Variants in DPY19L4 observed in about 807,000 individuals in gnomAD.
DPY19L4 encodes dpy-19 like 4, also known as probable C-mannosyltransferase DPY19L4.
In DPY19L4, 97 loss-of-function variants were observed where a neutral mutation model predicts 102.8. The observed-to-expected ratio is 0.94, with a 90% CI of 0.80 to 1.12. The LOEUF (loss-of-function observed/expected upper bound fraction) is 1.12. Among genes scored for constraint, DPY19L4 ranks in the 50% most tolerant of loss-of-function variants. DPY19L4 has a pLI of 0.00. For synonymous variants in DPY19L4, 252 were observed against 283.1 expected (o/e 0.89, Z 1.10); for missense variants, 815 against 850.4 (o/e 0.96, Z 0.52).
chr8:94,768,550 T>C lies in DPY19L4; in HGVS notation c.1331T>C (p.Ile444Thr). 1 of 1,469,182 alleles carries C rather than the reference T, an allele frequency of 6.8e-7. No homozygotes were observed. Among genetic ancestry groups the C allele is most frequent in the Non-Finnish European group, 9.4e-7 (1 of 1,065,876 alleles). The allele number at this position is 1,469,182 out of a possible 1,614,324, so 91.0% of individuals were successfully genotyped here. The change falls in exon 12 of 19, where the codon ATT (isoleucine) becomes ACT (threonine). Residue 444 changes from isoleucine to threonine, a missense_variant. Coordinates refer to ENST00000414645, the MANE Select transcript of DPY19L4 (RefSeq NM_181787.3). Reference sequence around the variant, plus strand: ...ATGTTGCAAGTTATTTTTAGGAGGATTAAGTAAGTACCTATGAGAATCAAT... The same window carrying C: ...ATGTTGCAAGTTATTTTTAGGAGGACTAAGTAAGTACCTATGAGAATCAAT... ...LSMLQVIFRR[I>T]NGKSLKETVT...
At chr8:94,740,422 A>G (rs1012762425) in intron 6 of DPY19L4, among the ~76,000 whole-genome samples, 2 of 152,010 alleles carry the variant, frequency 1.3e-5, no homozygotes, top group African/African-American at 4.8e-5. Flanking sequence ...AGGTCTATTT[A>G]CAATACTGTT....
chr8:94,724,076 G>C (rs1433085947), intron 1 of DPY19L4, among the ~76,000 whole-genome samples: 1 of 152,096 alleles, frequency 6.6e-6, no homozygotes, highest in Non-Finnish European at 1.5e-5. Context: ...TTTTTAAAAA[G>C]GAAAATGATA....
At chr8:94,741,671 A>G (rs757214880) in intron 6 of DPY19L4, among the ~76,000 whole-genome samples, 1 of 152,192 alleles carries the variant, frequency 6.6e-6, no homozygotes, top group Admixed American at 6.6e-5. Flanking sequence ...TTGATTCAGA[A>G]CATTTTGATC....
At chr8:94,781,188 A>G in intron 16 of DPY19L4, 22 bp downstream of exon 16, 1 of 1,530,236 alleles carries the variant, frequency 6.5e-7, no homozygotes, top group East Asian at 2.3e-5. Context: ...AGTGCCCAAG[A>G]CTATTATTAA....
intron 6 of DPY19L4, among the ~76,000 whole-genome samples, chr8:94,751,886 C>A (rs1221129998): frequency 1.3e-5 from 2 of 152,012 alleles, no homozygotes; most frequent in Non-Finnish European, 2.9e-5. Context: ...GGGGCTCCGG[C>A]TTTTTTTACT....
At chr8:94,739,991 T>G (rs1811373422) in intron 6 of DPY19L4, among the ~76,000 whole-genome samples, 1 of 152,162 alleles carries the variant, frequency 6.6e-6, no homozygotes, top group African/African-American at 2.4e-5. Flanking sequence ...CCTGGTCTAA[T>G]CACGTGAGCC....
chr8:94,734,496 C>A, intron 2 of DPY19L4, 134 bp from the exon 3 acceptor site: 1 of 867,666 alleles, frequency 1.2e-6, no homozygotes, highest in Non-Finnish European at 1.7e-6. Flanking sequence ...TGGAATTTAT[C>A]TGATGCTTTT....
chr8:94,745,956 G>A (rs1010701050), intron 6 of DPY19L4, among the ~76,000 whole-genome samples: 2 of 150,114 alleles, frequency 1.3e-5, no homozygotes, highest in African/African-American at 4.9e-5. Flanking sequence ...GTTCCTCCAT[G>A]TTGGTCAGGC....
At chr8:94,736,741 T>C (rs757422191) in intron 3 of DPY19L4, among the ~76,000 whole-genome samples, 1 of 152,240 alleles carries the variant, frequency 6.6e-6, no homozygotes, top group African/African-American at 2.4e-5. Flanking sequence ...TGAAGAGCAC[T>C]GATTAAGTAT....
At chr8:94,768,162 G>A (rs1277800781) in intron 11 of DPY19L4, among the ~76,000 whole-genome samples, 1 of 152,138 alleles carries the variant, frequency 6.6e-6, no homozygotes, top group Admixed American at 6.5e-5. Flanking sequence ...ACGTTACTTG[G>A]TAATAAAAAG....
At chr8:94,722,455 A>G (rs1434596003) in intron 1 of DPY19L4, among the ~76,000 whole-genome samples, 10 of 152,222 alleles carry the variant, frequency 6.6e-5, no homozygotes, top group Non-Finnish European at 2.9e-5. Flanking sequence ...GTAGAATTAC[A>G]TATAATTCAA....
rs757076973 is a variant in DPY19L4 at position 94,761,742 on chromosome 8, A to G, written c.778A>G (p.Met260Val). The change falls in exon 8 of 19, where the codon ATG becomes GTG. Residue 260 changes from methionine (M) to valine (V), a missense_variant. Coordinates refer to ENST00000414645, the MANE Select transcript of DPY19L4 (RefSeq NM_181787.3). ...LLMSASTYTF[M>V]MMWEYSHYLL... ...GATGAGTGCTTCAACTTACACATTT[A>G]TGATGATGTGGGAGTATAGCCACTA... 6.8e-6 allele frequency: 11 copies of G among 1,611,156 alleles called. No homozygotes were observed. Among genetic ancestry groups the G allele is most frequent in the Non-Finnish European group, 9.3e-6 (11 of 1,178,944 alleles).
intron 10 of DPY19L4, 103 bp from the exon 11 acceptor site, chr8:94,766,509 G>T: frequency 9.9e-7 from 1 of 1,006,012 alleles, no homozygotes; most frequent in Admixed American, 2.6e-5. Context: ...TCATATTTTT[G>T]TTTTGTAGTC....
intron 1 of DPY19L4, among the ~76,000 whole-genome samples, chr8:94,723,949 G>C (rs1403214884): frequency 6.6e-6 from 1 of 152,112 alleles, no homozygotes; most frequent in Non-Finnish European, 1.5e-5. Context: ...TAAATTACTT[G>C]AAAATCTATG....
At chr8:94,742,714 A>T (rs1322667645) in intron 6 of DPY19L4, among the ~76,000 whole-genome samples, 1 of 151,780 alleles carries the variant, frequency 6.6e-6, no homozygotes, top group Non-Finnish European at 1.5e-5. Context: ...ACATGCCACA[A>T]TGCCCAGCTA....
At chr8:94,743,412 A>C (rs530566661) in intron 6 of DPY19L4, among the ~76,000 whole-genome samples, 1 of 151,784 alleles carries the variant, frequency 6.6e-6, no homozygotes, top group South Asian at 2.1e-4. Flanking sequence ...CCCAGGTAGG[A>C]GGATCACTTG....
At chr8:94,720,680 G>A (rs147470927) in intron 1 of DPY19L4, among the ~76,000 whole-genome samples, 158 of 152,268 alleles carry the variant, frequency 1.0e-3, no homozygotes, top group African/African-American at 3.7e-3. Context: ...CAGGATCAAT[G>A]CTAAGATAAG....
chr8:94,767,866 T>G (rs947012439), intron 11 of DPY19L4, among the ~76,000 whole-genome samples: 1 of 152,130 alleles, frequency 6.6e-6, no homozygotes, highest in Non-Finnish European at 1.5e-5. Flanking sequence ...TTCTCTAATA[T>G]ATAAAAATAA....
At chr8:94,773,213 CAAAAAA>C (rs1319486647) in intron 13 of DPY19L4, among the ~76,000 whole-genome samples, 1 of 67,552 alleles carries the variant, frequency 1.5e-5, no homozygotes, top group Non-Finnish European at 3.4e-5. Flanking sequence ...GACTCCGTAT[CAAAAAA>C]AAAAAAAAAA....
Sources: gnomAD v4.1 joint callset for allele counts (sites outside exome capture counted in the v4.1 genomes callset) on GRCh38, gnomAD v4.1.1 for gene constraint, MANE v1.5 for transcripts, NCBI Gene and HGNC (gene_info 2026-07-23, HGNC 2026-07-21) for gene names.